The following NRDC variants were observed in gnomAD, a reference collection of about 807,000 sequenced individuals.
The protein encoded by NRDC is nardilysin convertase, also known as nardilysin.
A neutral mutation model predicts 147.1 loss-of-function variants in NRDC; 54 were observed. That is an observed-to-expected ratio of 0.37 (90% CI 0.29 to 0.46). The LOEUF is 0.46. Ranked by LOEUF, NRDC falls within the 20% of genes least tolerant of loss-of-function variation. The pLI is 1.00. For missense variants in NRDC, 1,082 were observed against 1,370.6 expected, an observed-to-expected ratio of 0.79 and a Z score of 3.33; for synonymous variants, 440 against 482.1, an observed-to-expected ratio of 0.91 and a Z score of 1.14.
At chr1:51,867,267 C>T (rs2124110244) in intron 1 of NRDC, among the ~76,000 whole-genome samples, 1 of 152,260 alleles carries the variant, frequency 6.6e-6, no homozygotes, top group South Asian at 2.1e-4. Context: ...GGAAGCAAGA[C>T]TTTAAAACAG....
At chr1:51,818,860 ATTG>A (rs1680087715) in intron 9 of NRDC, among the ~76,000 whole-genome samples, 1 of 152,250 alleles carries the variant, frequency 6.6e-6, no homozygotes. Context: ...CTGTAGGCAA[ATTG>A]TTAAGTAAAT....
chr1:51,871,515 TAAAAAAAAAAAAAAAAAAAA>T (rs60495773), intron 1 of NRDC, among the ~76,000 whole-genome samples: 4 of 20,976 alleles, frequency 1.9e-4, no homozygotes, highest in African/African-American at 6.2e-4. Flanking sequence ...ACTGGTTCAT[TAAAAAAAAAAAAAAAAAAAA>T]AAAAAAAAAA....
At chr1:51,854,731 C>T (rs1281931178) in intron 1 of NRDC, among the ~76,000 whole-genome samples, 1 of 152,194 alleles carries the variant, frequency 6.6e-6, no homozygotes, top group East Asian at 1.9e-4. Context: ...CAAGACCAGT[C>T]TGGGCAACAT....
intron 20 of NRDC, 47 bp downstream of exon 20, chr1:51,803,767 T>C (rs748176650): frequency 5.4e-6 from 8 of 1,468,610 alleles, no homozygotes; most frequent in East Asian, 2.3e-5. Context: ...TAAATAAATA[T>C]GGTATTTTAA....
At chr1:51,818,222 T>C in intron 9 of NRDC, 87 bp from the exon 10 acceptor site, 1 of 858,428 alleles carries the variant, frequency 1.2e-6, no homozygotes, top group South Asian at 2.0e-5. Flanking sequence ...AATATATTTA[T>C]CCTCCAATAA....
chr1:51,822,565 T>C (rs1463963139), intron 7 of NRDC, among the ~76,000 whole-genome samples: 1 of 152,206 alleles, frequency 6.6e-6, no homozygotes, highest in Non-Finnish European at 1.5e-5. Context: ...ACTCTAGGAC[T>C]TGTTTTAAAA....
chr1:51,852,819 T>C (rs1416160439), intron 1 of NRDC, among the ~76,000 whole-genome samples: 1 of 152,086 alleles, frequency 6.6e-6, no homozygotes, highest in Admixed American at 6.6e-5. Context: ...TTCTGAGACG[T>C]TGACAAAGAC....
Position 51,805,558 on chromosome 1 carries a change from T to C in NRDC, c.2114A>G (p.Tyr705Cys), listed in dbSNP as rs751548140. 8 of 1,577,734 alleles carry C rather than the reference T, an allele frequency of 5.1e-6. No homozygotes were observed. The highest frequency in any genetic ancestry group is 6.0e-6 in the Non-Finnish European group (7 of 1,166,860). The change falls in exon 19 of 31, where the codon TAT (tyrosine) becomes TGT (cysteine). Residue 705 changes from tyrosine (Y) to cysteine (C), a missense_variant. Physicochemically the swap from Tyr to Cys is radical, Grantham distance 194. Around this residue, in one of 3 missense-constraint regions of NRDC, gnomAD observed 635 missense variants for 923.8 expected, o/e 0.69. Coordinates refer to ENST00000352171, the MANE Select transcript of NRDC (RefSeq NM_001101662.2). Reference sequence around the variant, plus strand: ...CGGTGAAATTAGATGGAAACGTATATATGCTAAAAGAAAAAAGACCATAGA... The same window carrying C: ...CGGTGAAATTAGATGGAAACGTATACATGCTAAAAGAAAAAAGACCATAGA... ...KDNKFKIPKA[Y>C]IRFHLISPLI...
At chr1:51,823,599 C>G in intron 7 of NRDC, 65 bp downstream of exon 7, 1 of 1,345,120 alleles carries the variant, frequency 7.4e-7, no homozygotes, top group East Asian at 2.4e-5. Flanking sequence ...AACACTGATA[C>G]AGGCAAACAA....
chr1:51,810,004 C>G (rs541415971), intron 16 of NRDC, among the ~76,000 whole-genome samples: 1 of 152,102 alleles, frequency 6.6e-6, no homozygotes, highest in African/African-American at 2.4e-5. Context: ...CTCCAAGTGA[C>G]AAAAATGCAC....
chr1:51,836,315 G>A, intron 2 of NRDC, 103 bp from the exon 3 acceptor site: 1 of 1,586,530 alleles, frequency 6.3e-7, no homozygotes, highest in Non-Finnish European at 8.7e-7. Context: ...TTTCCAATAG[G>A]AGTAACAAAA....
intron 1 of NRDC, among the ~76,000 whole-genome samples, chr1:51,859,265 A>G (rs184926029): frequency 3.9e-5 from 6 of 152,348 alleles, no homozygotes; most frequent in Non-Finnish European, 7.3e-5. Flanking sequence ...GTCTGTGTCT[A>G]TATGTGTTAC....
chr1:51,816,074 T>C, intron 11 of NRDC: 1 of 238,528 alleles, frequency 4.2e-6, no homozygotes, highest in East Asian at 8.4e-5. Context: ...TTATGATTTT[T>C]TAAAATTTTG....
chr1:51,815,433 T>C (rs924698869), intron 11 of NRDC, among the ~76,000 whole-genome samples: 1 of 152,170 alleles, frequency 6.6e-6, no homozygotes, highest in Non-Finnish European at 1.5e-5. Context: ...ACATAGGTTG[T>C]CTAAGAAAGA....
chr1:51,790,796 G>T, intron 28 of NRDC, 104 bp downstream of exon 28: 1 of 999,226 alleles, frequency 1.0e-6, no homozygotes, highest in Non-Finnish European at 1.5e-6. Context: ...GTAAGAGGAA[G>T]GTGGGGCTGC....
At position 51,852,019 on chromosome 1, in the gene NRDC, G is replaced by A. The variant is rs1681974730; in HGVS notation, c.342-11505C>T. ...CTGTCCTCCATCTGTGAGGGGGGCA[G>A]CCTACAGGTTTTTTGGTATGCTTTT... On this transcript the variant is annotated intron_variant, in intron 1 of 30. Transcript: ENST00000352171. Among the ~76,000 whole-genome samples the A allele has an allele frequency of 2.6e-5, 4 of 152,300 alleles. No individual in the cohort carries two copies. In the South Asian group the frequency reaches 8.3e-4, roughly 32 times the overall value.
intron 20 of NRDC, among the ~76,000 whole-genome samples, chr1:51,802,709 G>A (rs1679266991): frequency 6.6e-6 from 1 of 152,142 alleles, no homozygotes; most frequent in South Asian, 2.1e-4. Flanking sequence ...ATGGAGAAGG[G>A]AAAAGGCATA....
rs769259369 is a variant in NRDC, at chr1:51,809,406, A to T, written c.1904-5T>A. The T allele has an allele frequency of 6.3e-7, 1 of 1,586,148 alleles. No individual in the cohort carries two copies. The highest frequency in any genetic ancestry group is 8.7e-7 in the Non-Finnish European group (1 of 1,154,576). The stretch of plus-strand genomic sequence containing the variant: ...CAGCCCAAGAGTTTTCAATATCTGT[A>T]AAGGAGAAAAATAAACTGACCCAAT... On this transcript the variant is annotated splice_region_variant and splice_polypyrimidine_tract_variant and intron_variant, in intron 16 of 30. Transcript: ENST00000352171.
intron 4 of NRDC, among the ~76,000 whole-genome samples, chr1:51,829,969 T>TC (rs1251791018): frequency 6.8e-6 from 1 of 147,272 alleles, no homozygotes; most frequent in East Asian, 1.9e-4. Flanking sequence ...TTATTTCTTT[T>TC]TTTTTTTTTT....
Sources: gnomAD v4.1 joint callset for allele counts (sites outside exome capture counted in the v4.1 genomes callset) on GRCh38, gnomAD v4.1.1 for gene constraint, gnomAD v4.1.1 regional missense constraint, MANE v1.5 for transcripts, NCBI Gene and HGNC (gene_info 2026-07-23, HGNC 2026-07-21) for gene names.